The following OSBP2 variants were observed in gnomAD, a reference collection of about 807,000 sequenced individuals.
OSBP2 encodes oxysterol binding protein 2.
In OSBP2, 66 loss-of-function variants were observed where a neutral mutation model predicts 96.0. That is an observed-to-expected ratio of 0.69 (90% CI 0.56 to 0.84). OSBP2 has a LOEUF of 0.84. OSBP2 is among the 40% of genes least tolerant of loss of function. The pLI, the probability that OSBP2 is intolerant of heterozygous loss-of-function variation, is 0.00. For synonymous variants in OSBP2, 525 were observed against 520.9 expected (o/e 1.01, Z -0.11); for missense variants, 1,038 against 1,222.7 (o/e 0.85, Z 2.25).
At chr22:30,706,042 G>C (rs2089247956) in intron 1 of OSBP2, among the ~76,000 whole-genome samples, 1 of 152,206 alleles carries the variant, frequency 6.6e-6, no homozygotes, top group Admixed American at 6.5e-5. Context: ...CCTAGAACAA[G>C]ATCAGTATAT....
At chr22:30,867,360 C>T (rs1234671050) in intron 2 of OSBP2, among the ~76,000 whole-genome samples, 1 of 152,198 alleles carries the variant, frequency 6.6e-6, no homozygotes, top group Non-Finnish European at 1.5e-5. Context: ...CTGTGTCTCA[C>T]CCCTACCTAC....
At position 30,871,187 on chromosome 22, in the gene OSBP2, C is replaced by T. The variant is rs2039451163; in HGVS notation, c.1107+505C>T. On this transcript the variant is annotated intron_variant, in intron 3 of 13. Coordinates refer to ENST00000332585, the MANE Select transcript of OSBP2 (RefSeq NM_030758.4). This position sits in a 1 kb window ranked among gnomAD's most constrained non-coding sequence, Gnocchi z 4.7. Reference sequence around the variant, plus strand: ...AGAAGGGCCTCAGAGCTGAGCCTGCCGAGGTCGTGCCAACCTGATGGTAGA... The same window carrying T: ...AGAAGGGCCTCAGAGCTGAGCCTGCTGAGGTCGTGCCAACCTGATGGTAGA... 6.6e-6 allele frequency among the ~76,000 whole-genome samples: 1 copy of T among 152,050 alleles called. No homozygotes were observed. The highest frequency in any genetic ancestry group is 2.4e-5 in the African/African-American group (1 of 41,392).
At chr22:30,746,609 C>T (rs1164413398) in intron 2 of OSBP2, among the ~76,000 whole-genome samples, 1 of 150,870 alleles carries the variant, frequency 6.6e-6, no homozygotes, top group African/African-American at 2.4e-5. Flanking sequence ...CCTGCCTCAG[C>T]CTCCCGAGTA....
intron 2 of OSBP2, among the ~76,000 whole-genome samples, chr22:30,771,251 G>A (rs1389953967): frequency 6.6e-6 from 1 of 152,192 alleles, no homozygotes; most frequent in Non-Finnish European, 1.5e-5. Flanking sequence ...GAACCATGGT[G>A]GGCTCAGACC....
chr22:30,727,715 A>T (rs1367577024), intron 1 of OSBP2, among the ~76,000 whole-genome samples: 1 of 152,194 alleles, frequency 6.6e-6, no homozygotes. Context: ...CCTAAGTCTA[A>T]TATGCGTAGA....
Position 30,890,572 on chromosome 22 carries a change from G to T in OSBP2, c.1624-156G>T, listed in dbSNP as rs2039923989. On this transcript the variant is annotated intron_variant, in intron 7 of 13. Transcript: ENST00000332585. The surrounding 1 kb of genome is among the most constrained non-coding windows in gnomAD (Gnocchi z 4.4). ...AGCCAGGAGGGGCCAGGGAGGTGAT[G>T]GCTTGGGGGCCACACTGTTGGACAG... Among the ~76,000 whole-genome samples the T allele has an allele frequency of 6.6e-6, 1 of 152,184 alleles. No individual in the cohort carries two copies. The highest frequency in any genetic ancestry group is 2.4e-5 in the African/African-American group (1 of 41,456).
chr22:30,756,562 G>A (rs966559450), intron 2 of OSBP2, among the ~76,000 whole-genome samples: 3 of 152,110 alleles, frequency 2.0e-5, no homozygotes, highest in Non-Finnish European at 2.9e-5. Context: ...GCATGGTGGC[G>A]CACGCCTGTA....
chr22:30,774,964 T>C (rs1037107999), intron 2 of OSBP2, among the ~76,000 whole-genome samples: 1 of 152,224 alleles, frequency 6.6e-6, no homozygotes, highest in African/African-American at 2.4e-5. Flanking sequence ...GTCCCCGTTC[T>C]CATCACTTAG....
intron 8 of OSBP2, among the ~76,000 whole-genome samples, chr22:30,891,729 T>TG (rs2039953018): frequency 6.8e-6 from 1 of 146,148 alleles, no homozygotes; most frequent in South Asian, 2.2e-4. Context: ...GATACGGGGG[T>TG]GGGGGGCAGT....
rs149875230 is a variant in OSBP2 at position 30,723,644 on chromosome 22, C to G, written c.645-17517C>G. 7.8e-4 allele frequency among the ~76,000 whole-genome samples: 118 copies of G among 151,914 alleles called. 1 individual carries two copies. In the East Asian group the frequency reaches 0.017, roughly 22 times the overall value. ...GGCCAGGCTGGTCTCGAACTCCTGA[C>G]CTTAAGTGATCCACCCTCCTCAGCC... On this transcript the variant is annotated intron_variant, in intron 1 of 13. Coordinates refer to ENST00000332585, the MANE Select transcript of OSBP2 (RefSeq NM_030758.4).
At chr22:30,811,559 A>G (rs1035643171) in intron 2 of OSBP2, among the ~76,000 whole-genome samples, 3 of 149,354 alleles carry the variant, frequency 2.0e-5, no homozygotes, top group Non-Finnish European at 1.5e-5. Context: ...TTGTTTGTTT[A>G]TTTATTTATT....
At chr22:30,894,302 A>C in intron 12 of OSBP2, 5 of 328,494 alleles carry the variant, frequency 1.5e-5, no homozygotes, top group Non-Finnish European at 2.2e-5. Context: ...AAACTATAAA[A>C]TGTGGCATAG....
chr22:30,756,167 G>A lies in OSBP2; in HGVS notation c.853+14798G>A, dbSNP rs568017821. The stretch of plus-strand genomic sequence containing the variant: ...TCTGACTCCTCCAGGTGGCAGTTGC[G>A]TTTTTCTTTTCCTTTCTCACTTGGC... On this transcript the variant is annotated intron_variant, in intron 2 of 13. Transcript: ENST00000332585. 9.2e-5 allele frequency among the ~76,000 whole-genome samples: 14 copies of A among 152,272 alleles called. No individual in the cohort carries two copies. The South Asian group carries it at 1.2e-3, about 14-fold the overall frequency.
intron 2 of OSBP2, among the ~76,000 whole-genome samples, chr22:30,860,588 G>T (rs1359678868): frequency 6.6e-6 from 1 of 152,242 alleles, no homozygotes; most frequent in African/African-American, 2.4e-5. Flanking sequence ...CATCTGCCAG[G>T]CTGGGCTCAA....
chr22:30,859,431 G>A (rs1016519933), intron 2 of OSBP2, among the ~76,000 whole-genome samples: 1 of 152,244 alleles, frequency 6.6e-6, no homozygotes, highest in African/African-American at 2.4e-5. Context: ...ACTGGTCAGG[G>A]ATTGCTGACC....
At chr22:30,846,156 T>A (rs958537932) in intron 2 of OSBP2, among the ~76,000 whole-genome samples, 15 of 152,182 alleles carry the variant, frequency 9.9e-5, no homozygotes, top group African/African-American at 3.4e-4. Flanking sequence ...TATCTTACAT[T>A]ATTTTTTTGA....
At chr22:30,833,902 C>A (rs1370152140) in intron 2 of OSBP2, among the ~76,000 whole-genome samples, 1 of 152,182 alleles carries the variant, frequency 6.6e-6, no homozygotes, top group Non-Finnish European at 1.5e-5. Flanking sequence ...TTTTTACCAA[C>A]ACTTTGTTTT....
At chr22:30,831,985 G>C (rs1468090633) in intron 2 of OSBP2, among the ~76,000 whole-genome samples, 1 of 152,150 alleles carries the variant, frequency 6.6e-6, no homozygotes, top group African/African-American at 2.4e-5. Flanking sequence ...ACCCCTGGTA[G>C]CTCTTTCTGG....
At chr22:30,764,228 C>T (rs2090242026) in intron 2 of OSBP2, 1 of 985,058 alleles carries the variant, frequency 1.0e-6, no homozygotes, top group Non-Finnish European at 1.2e-6. Flanking sequence ...TTGGAATTAT[C>T]CCAGGCAGCC....
Sources: allele counts gnomAD v4.1 joint callset (sites outside exome capture counted in the v4.1 genomes callset), GRCh38; gene constraint gnomAD v4.1.1; non-coding constraint Gnocchi (gnomAD v3.1); transcripts MANE v1.5; gene names NCBI Gene and HGNC (gene_info 2026-07-23, HGNC 2026-07-21).